Variants in TENM1 observed in about 807,000 individuals in gnomAD.
TENM1 encodes teneurin-1.
TENM1 carries 35 observed loss-of-function variants against 174.8 expected under a neutral mutation model. That is an observed-to-expected ratio of 0.20 (90% CI 0.15 to 0.27). TENM1 has a LOEUF of 0.27. Among genes scored for constraint, TENM1 ranks in the 10% least tolerant of loss-of-function variants. The pLI is 1.00. For missense variants in TENM1, 1,633 were observed against 2,130.1 expected, an observed-to-expected ratio of 0.77 and a Z score of 4.59; for synonymous variants, 781 against 798.7, an observed-to-expected ratio of 0.98 and a Z score of 0.37.
the TENM1 span, among the ~76,000 whole-genome samples, chrX:125,185,304 T>A: frequency 8.9e-6 from 1 of 112,219 alleles, no homozygotes; most frequent in Admixed American, 9.5e-5. Flanking sequence ...TGCAAACATC[T>A]TCTCTGGCTA....
intron 3 of TENM1, among the ~76,000 whole-genome samples, chrX:124,816,886 T>A (rs1377968454): frequency 9.0e-6 from 1 of 111,197 alleles, no homozygotes; most frequent in Non-Finnish European, 1.9e-5. Context: ...ATTTCTTTTT[T>A]TAAAATTTAA....
intron 23 of TENM1, among the ~76,000 whole-genome samples, chrX:124,427,000 G>C (rs1257763091): frequency 9.0e-6 from 1 of 111,660 alleles, no homozygotes; most frequent in Non-Finnish European, 1.9e-5. Flanking sequence ...TATCATGCTT[G>C]TCCAGAAGCT....
chrX:124,435,965 G>A (rs1292284003), intron 23 of TENM1, among the ~76,000 whole-genome samples: 1 of 111,608 alleles, frequency 9.0e-6, no homozygotes, highest in Non-Finnish European at 1.9e-5. Context: ...TAAAAGGGGA[G>A]GCAAAATCAC....
chrX:124,795,908 A>G (rs945418119), intron 3 of TENM1, among the ~76,000 whole-genome samples: 6 of 110,755 alleles, frequency 5.4e-5, no homozygotes, highest in Non-Finnish European at 1.1e-4. Flanking sequence ...CAGAATTGTA[A>G]CTTGATTATA....
At chrX:124,487,416 C>T (rs1000278898) in intron 20 of TENM1, among the ~76,000 whole-genome samples, 187 bp from the exon 24 acceptor site, 2 of 112,196 alleles carry the variant, frequency 1.8e-5, no homozygotes, top group Non-Finnish European at 3.8e-5. Flanking sequence ...CCAGGCTTTG[C>T]CTCCTAAGAT....
chrX:124,969,374 C>G, the TENM1 span, among the ~76,000 whole-genome samples: 1 of 112,051 alleles, frequency 8.9e-6, no homozygotes, highest in South Asian at 3.7e-4. Flanking sequence ...CTCTAAGTGA[C>G]TTTAGAAGAC....
intron 4 of TENM1, among the ~76,000 whole-genome samples, chrX:124,733,918 T>G (rs946626679): frequency 6.3e-5 from 7 of 111,682 alleles, no homozygotes; most frequent in African/African-American, 2.0e-4. Flanking sequence ...TCTCCCAGAT[T>G]TTCTGTTATT....
At chrX:124,516,265 TA>T (rs763629799) in intron 18 of TENM1, among the ~76,000 whole-genome samples, 1 of 111,767 alleles carries the variant, frequency 8.9e-6, no homozygotes, top group East Asian at 2.8e-4. Context: ...ACAATCTAGG[TA>T]ATACCATTTT....
chrX:124,424,709 A>T (rs760177503), intron 23 of TENM1, among the ~76,000 whole-genome samples: 5 of 111,710 alleles, frequency 4.5e-5, no homozygotes, highest in African/African-American at 1.6e-4. Flanking sequence ...TGACTGGATC[A>T]TGGGGGTGAA....
intron 3 of TENM1, among the ~76,000 whole-genome samples, chrX:124,886,167 T>C (rs1267182882): frequency 1.8e-5 from 2 of 111,490 alleles, no homozygotes; most frequent in Non-Finnish European, 3.8e-5. Flanking sequence ...TTTTCTAAGC[T>C]CTTTTTTAAA....
chrX:124,585,431 T>C (rs1482916716), intron 11 of TENM1, among the ~76,000 whole-genome samples: 1 of 111,313 alleles, frequency 9.0e-6, no homozygotes, highest in Non-Finnish European at 1.9e-5. Flanking sequence ...TGCTCCTGAA[T>C]GACTACTGGG....
chrX:124,885,749 CA>C (rs1333201781), intron 3 of TENM1, among the ~76,000 whole-genome samples: 1 of 110,566 alleles, frequency 9.0e-6, no homozygotes, highest in African/African-American at 3.3e-5. Flanking sequence ...ACTTTTATAA[CA>C]AAAAAACTAC....
the TENM1 span, among the ~76,000 whole-genome samples, chrX:124,986,593 C>T: frequency 6.2e-4 from 69 of 111,941 alleles, no homozygotes; most frequent in African/African-American, 2.1e-3. Context: ...AGGGCTTTCC[C>T]GTGGATGTGT....
At chrX:125,071,805 T>C in the TENM1 span, among the ~76,000 whole-genome samples, 16 of 111,617 alleles carry the variant, frequency 1.4e-4, no homozygotes, top group Non-Finnish European at 5.7e-5. Flanking sequence ...ATTAGCCTGT[T>C]TCAGTAGCCA....
At chrX:124,888,691 C>T (rs2057428257) in intron 3 of TENM1, among the ~76,000 whole-genome samples, 1 of 111,822 alleles carries the variant, frequency 8.9e-6, no homozygotes, top group Admixed American at 9.5e-5. Flanking sequence ...GGTACCTTAC[C>T]TGATAGCATC....
At chrX:124,943,978 A>G (rs2058366369) in intron 1 of TENM1, among the ~76,000 whole-genome samples, 1 of 111,906 alleles carries the variant, frequency 8.9e-6, no homozygotes, top group African/African-American at 3.2e-5. Flanking sequence ...ATGCATTAAG[A>G]AATTAACATA....
At chrX:124,935,243 T>C (rs1307255865) in intron 1 of TENM1, among the ~76,000 whole-genome samples, 1 of 108,286 alleles carries the variant, frequency 9.2e-6, no homozygotes, top group East Asian at 2.8e-4. Context: ...TCTGATATTA[T>C]GGACATATTT....
chrX:124,981,807 G>A, the TENM1 span, among the ~76,000 whole-genome samples: 1 of 111,204 alleles, frequency 9.0e-6, no homozygotes, highest in Non-Finnish European at 1.9e-5. Flanking sequence ...CCTGGTTGGA[G>A]AATATGGTTT....
intron 3 of TENM1, among the ~76,000 whole-genome samples, chrX:124,800,638 G>C (rs765435303): frequency 2.7e-5 from 3 of 111,146 alleles, no homozygotes; most frequent in Middle Eastern, 4.7e-3. Context: ...CTGTCTGTTG[G>C]TAGTTTTTGG....
Sources: allele counts gnomAD v4.1 joint callset (sites outside exome capture counted in the v4.1 genomes callset), GRCh38; gene constraint gnomAD v4.1.1; transcripts MANE v1.5; gene names NCBI Gene and HGNC (gene_info 2026-07-23, HGNC 2026-07-21).